The following RPTOR variants were observed in gnomAD, a reference collection of about 807,000 sequenced individuals.
The protein encoded by RPTOR is regulatory-associated protein of mTOR.
In RPTOR, 21 loss-of-function variants were observed where a neutral mutation model predicts 169.9. The observed-to-expected ratio is 0.12, with a 90% CI of 0.09 to 0.18. RPTOR has a LOEUF of 0.18. Among genes scored for constraint, RPTOR ranks in the 10% least tolerant of loss-of-function variants. The probability of loss-of-function intolerance (pLI) is 1.00; values close to 1 mark genes in which losing one functional copy is unlikely to be tolerated. For synonymous variants in RPTOR, 732 were observed against 753.2 expected (o/e 0.97, Z 0.46); for missense variants, 1,133 against 1,855.9 (o/e 0.61, Z 7.16).
At chr17:80,800,779 G>A (rs145418457) in intron 7 of RPTOR, among the ~76,000 whole-genome samples, 1 of 152,332 alleles carries the variant, frequency 6.6e-6, no homozygotes, top group East Asian at 1.9e-4. Context: ...AGAAAGCTCC[G>A]GGGAACCTGA....
In RPTOR at chr17:80,626,812, T is replaced by TA. The variant is rs58019154; in HGVS notation, c.265+1019_265+1020insA. 1.8e-3 allele frequency among the ~76,000 whole-genome samples: 265 copies of TA among 148,738 alleles called. 2 individuals are homozygous for TA. The highest frequency in any genetic ancestry group is 2.3e-3 in the South Asian group (11 of 4,724). On this transcript the variant is annotated intron_variant, in intron 2 of 33. Coordinates refer to ENST00000306801, the MANE Select transcript of RPTOR (RefSeq NM_020761.3). Reference sequence around the variant, plus strand: ...TTATTATTATTATTATTATTATTATTTTTCATTCTAGGAATTATTAAGTGT... The same window carrying TA: ...TTATTATTATTATTATTATTATTATTATTTCATTCTAGGAATTATTAAGTGT...
At chr17:80,930,372 C>T (rs1169957001) in intron 24 of RPTOR, among the ~76,000 whole-genome samples, 34 of 115,070 alleles carry the variant, frequency 3.0e-4, no homozygotes, top group East Asian at 3.2e-4. Context: ...ATCCTCAGCT[C>T]ATCCCCAGCT....
chr17:80,853,190 C>T (rs1164410096), intron 11 of RPTOR, among the ~76,000 whole-genome samples: 1 of 152,220 alleles, frequency 6.6e-6, no homozygotes, highest in East Asian at 1.9e-4. Flanking sequence ...ACTGACCTCT[C>T]TGCATGCCGT....
chr17:80,834,951 C>T (rs1053919675), intron 9 of RPTOR, among the ~76,000 whole-genome samples: 9 of 152,170 alleles, frequency 5.9e-5, no homozygotes, highest in African/African-American at 1.4e-4. Flanking sequence ...TGATTAAATT[C>T]GAGGAATCTT....
At chr17:80,898,885 A>G (rs745535529) in intron 20 of RPTOR, among the ~76,000 whole-genome samples, 2 of 151,906 alleles carry the variant, frequency 1.3e-5, no homozygotes, top group Non-Finnish European at 2.9e-5. Flanking sequence ...AGCGCATGAC[A>G]GGAGCCCAAA....
At chr17:80,849,554 C>T (rs2067770763) in intron 11 of RPTOR, among the ~76,000 whole-genome samples, 1 of 152,336 alleles carries the variant, frequency 6.6e-6, no homozygotes, top group African/African-American at 2.4e-5. Context: ...GAGTCTCACT[C>T]TGTTGCCCAG....
chr17:80,871,451 G>A (rs973396892), intron 13 of RPTOR, among the ~76,000 whole-genome samples: 25 of 152,262 alleles, frequency 1.6e-4, no homozygotes, highest in African/African-American at 6.0e-4. Context: ...TCATAATGAG[G>A]GTGCATGCTG....
intron 7 of RPTOR, among the ~76,000 whole-genome samples, chr17:80,807,345 C>T (rs2067228335): frequency 6.6e-6 from 1 of 151,936 alleles, no homozygotes; most frequent in Admixed American, 6.6e-5. Context: ...GCCACCCCAC[C>T]ACCCTTTTTT....
chr17:80,827,881 A>C (rs1009205808), intron 9 of RPTOR, among the ~76,000 whole-genome samples: 4 of 152,136 alleles, frequency 2.6e-5, no homozygotes, highest in African/African-American at 9.7e-5. Flanking sequence ...CAAAGCTACG[A>C]TTTTTACTAT....
chr17:80,964,190 C>A, intron 33 of RPTOR, 72 bp from the exon 34 acceptor site: 2 of 1,168,498 alleles, frequency 1.7e-6, no homozygotes, highest in Non-Finnish European at 2.5e-6. Context: ...TGCGGGTTGG[C>A]CTGCGCCCCC....
At chr17:80,893,395 G>GGGGTGT (rs1555632412) in intron 19 of RPTOR, among the ~76,000 whole-genome samples, 2 of 139,168 alleles carry the variant, frequency 1.4e-5, no homozygotes, top group African/African-American at 5.6e-5. Flanking sequence ...TGCATGCCAG[G>GGGGTGT]GTGTGTGTGT....
chr17:80,625,778 T>C lies in RPTOR; in HGVS notation c.250T>C (p.Leu84=), dbSNP rs1007664675. ...DVVKTTPCAR[L]ECWIDPLSMG... is the part of the protein sequence containing the mutation. ...GGTGAAGACCACGCCCTGTGCACGC[T>C]TGGAATGCTGGATCGGTGAGTATGC... Residue 84 remains leucine, a synonymous_variant, in exon 2 of 34, where the codon TTG becomes CTG. Transcript: ENST00000306801. 6 of 1,611,462 alleles carry C rather than the reference T, an allele frequency of 3.7e-6. No homozygotes were observed. Among genetic ancestry groups the C allele is most frequent in the Non-Finnish European group, 5.1e-6 (6 of 1,178,522 alleles).
intron 11 of RPTOR, among the ~76,000 whole-genome samples, chr17:80,849,097 G>A (rs1024365038): frequency 5.3e-5 from 8 of 152,100 alleles, no homozygotes; most frequent in Admixed American, 1.3e-4. Context: ...TTCATTTGAC[G>A]TACCCCCCGG....
intron 17 of RPTOR, among the ~76,000 whole-genome samples, chr17:80,890,698 G>A (rs1004569577): frequency 6.6e-6 from 1 of 152,228 alleles, no homozygotes; most frequent in Non-Finnish European, 1.5e-5. Flanking sequence ...GTGAAGAGCC[G>A]GCAGCTGGAC....
At chr17:80,832,466 G>A (rs1485037576) in intron 9 of RPTOR, among the ~76,000 whole-genome samples, 1 of 152,224 alleles carries the variant, frequency 6.6e-6, no homozygotes, top group Admixed American at 6.5e-5. Flanking sequence ...CATCCAGGGA[G>A]GGAGGGAATG....
chr17:80,652,039 G>A (rs1369890897), intron 3 of RPTOR, among the ~76,000 whole-genome samples: 1 of 150,456 alleles, frequency 6.6e-6, no homozygotes. Flanking sequence ...GCGTGGTGGC[G>A]GGTGCCTGTA....
chr17:80,927,386 G>A (rs977660597), intron 24 of RPTOR, among the ~76,000 whole-genome samples: 1 of 152,180 alleles, frequency 6.6e-6, no homozygotes, highest in African/African-American at 2.4e-5. Context: ...GTGTGATAAC[G>A]AGAGGCTTTT....
intron 7 of RPTOR, 95 bp downstream of exon 7, chr17:80,791,604 A>G (rs755546302): frequency 7.6e-6 from 8 of 1,053,122 alleles, no homozygotes; most frequent in East Asian, 7.4e-5. Context: ...CTTTCTATCA[A>G]CATGGCATGT....
intron 19 of RPTOR, 79 bp from the exon 20 acceptor site, chr17:80,893,628 A>G (rs1218234504): frequency 3.3e-6 from 5 of 1,503,180 alleles, no homozygotes; most frequent in Admixed American, 4.2e-5. Context: ...GAAAATATGT[A>G]TCTCAGTCAT....
Sources: gnomAD v4.1 joint callset for allele counts (sites outside exome capture counted in the v4.1 genomes callset) on GRCh38, gnomAD v4.1.1 for gene constraint, MANE v1.5 for transcripts, NCBI Gene and HGNC (gene_info 2026-07-23, HGNC 2026-07-21) for gene names.